The following NFIB variants were observed in gnomAD, a reference collection of about 807,000 sequenced individuals.
The protein encoded by NFIB is nuclear factor 1 B-type.
NFIB carries 11 observed loss-of-function variants against 61.5 expected under a neutral mutation model. The ratio of observed to expected loss-of-function variants is 0.18; its 90% CI spans 0.11 to 0.30. The LOEUF is 0.30. Among genes scored for constraint, NFIB ranks in the 10% least tolerant of loss-of-function variants. NFIB has a pLI of 1.00. For synonymous variants in NFIB, 260 were observed against 216.5 expected, an observed-to-expected ratio of 1.20 and a Z score of -1.76; for missense variants, 471 against 608.9, an observed-to-expected ratio of 0.77 and a Z score of 2.38.
In NFIB at chr9:14,084,823, T is replaced by G. The variant is rs995965124; in HGVS notation, c.*3486A>C. 1.3e-5 allele frequency: 3 copies of G among 228,028 alleles called. No individual in the cohort carries two copies. The highest frequency in any genetic ancestry group is 2.6e-5 in the Non-Finnish European group (3 of 115,000). 14.1% of individuals were successfully genotyped at this position (228,028 alleles called of 1,614,324 possible). The stretch of plus-strand genomic sequence containing the variant: ...TGAGATTTTATATATATAGTAGTAC[T>G]TTTAATAGTTTTATCTCAAAAAGGA... On this transcript the variant is annotated 3_prime_UTR_variant, in exon 11 of 11. Transcript: ENST00000380953.
chr9:14,449,598 T>C, the NFIB span, among the ~76,000 whole-genome samples: 2 of 152,286 alleles, frequency 1.3e-5, no homozygotes, highest in Non-Finnish European at 2.9e-5. Flanking sequence ...ATAATCCCTG[T>C]TCATGCTGGG....
rs189227348 is a variant in NFIB at position 14,287,160 on chromosome 9, G to A, written c.562+19829C>T. 1.5e-3 allele frequency among the ~76,000 whole-genome samples: 235 copies of A among 152,130 alleles called. 1 individual carries two copies. The highest frequency in any genetic ancestry group is 4.8e-3 in the African/African-American group (201 of 41,540). ...AAAAGAGCTATTATAGGCCGGGCGC[G>A]GTGGCTCACACCTGTAATCCCAGCA... On this transcript the variant is annotated intron_variant, in intron 2 of 10. Coordinates refer to ENST00000380953, the MANE Select transcript of NFIB (RefSeq NM_001190737.2).
At chr9:14,316,319 C>G (rs2060539134), upstream of NFIB, among the ~76,000 whole-genome samples, 1 of 152,240 alleles carries the variant, frequency 6.6e-6, no homozygotes, top group Admixed American at 6.5e-5. Context: ...CCCCGTAAAC[C>G]CAGAGCCCAA....
At chr9:14,350,015 G>C (rs2061086738) in intron 1 of NFIB, among the ~76,000 whole-genome samples, 1 of 152,090 alleles carries the variant, frequency 6.6e-6, no homozygotes, top group Admixed American at 6.5e-5. Context: ...GGAAAAACTC[G>C]TGCAAACTTG....
chr9:14,414,503 C>G, the NFIB span, among the ~76,000 whole-genome samples: 1 of 140,728 alleles, frequency 7.1e-6, no homozygotes, highest in Non-Finnish European at 1.5e-5. Flanking sequence ...GCCTTTCTCA[C>G]GTTTTGTATT....
Position 14,093,905 on chromosome 9 carries a change from T to C in NFIB, c.1468-5579A>G, listed in dbSNP as rs78257407. Among the ~76,000 whole-genome samples the C allele has an allele frequency of 4.9e-4, 75 of 152,142 alleles. 2 individuals carry two copies. In the East Asian group the frequency reaches 0.01, roughly 20 times the overall value. Reference sequence around the variant, plus strand: ...TATTTATGTATTAGAACAAAGAAAATAGTACTTGATAAATATACCAGTTGC... The same window carrying C: ...TATTTATGTATTAGAACAAAGAAAACAGTACTTGATAAATATACCAGTTGC... On this transcript the variant is annotated intron_variant, in intron 10 of 10. Transcript: ENST00000380953.
the NFIB span, among the ~76,000 whole-genome samples, chr9:14,417,916 G>A: frequency 6.6e-6 from 1 of 151,852 alleles, no homozygotes; most frequent in South Asian, 2.1e-4. Flanking sequence ...GGGTAGCTGG[G>A]ATTACAGGTG....
At chr9:14,408,479 G>C in the NFIB span, among the ~76,000 whole-genome samples, 6 of 152,150 alleles carry the variant, frequency 3.9e-5, no homozygotes, top group East Asian at 3.9e-4. Context: ...CCAAGTTTCA[G>C]AGACCACAAT....
chr9:14,511,365 TA>T, the NFIB span, among the ~76,000 whole-genome samples: 1,458 of 152,208 alleles, frequency 9.6e-3, 28 homozygotes, highest in African/African-American at 0.034. Flanking sequence ...CATTATTATG[TA>T]AATTTTTCAT....
chr9:14,218,073 G>A (rs1182328367), intron 2 of NFIB, among the ~76,000 whole-genome samples: 2 of 151,990 alleles, frequency 1.3e-5, no homozygotes, highest in African/African-American at 2.4e-5. Flanking sequence ...AGATTTCATC[G>A]AACTTTTAAG....
intron 3 of NFIB, among the ~76,000 whole-genome samples, chr9:14,163,635 C>A (rs919574971): frequency 6.6e-6 from 1 of 151,910 alleles, no homozygotes; most frequent in African/African-American, 2.4e-5. Context: ...TATTAAAATA[C>A]AAGAAACTTT....
At chr9:14,244,374 A>C (rs1044368903) in intron 2 of NFIB, among the ~76,000 whole-genome samples, 40 of 152,248 alleles carry the variant, frequency 2.6e-4, no homozygotes, top group African/African-American at 9.6e-4. Context: ...GCAGTCAGAT[A>C]TATTGGAGTC....
chr9:14,131,313 A>G (rs1190661367), intron 6 of NFIB, among the ~76,000 whole-genome samples: 6 of 152,222 alleles, frequency 3.9e-5, no homozygotes, highest in African/African-American at 1.4e-4. Flanking sequence ...TTAAATAAGT[A>G]TTTTGCAAAA....
At chr9:14,263,172 T>C (rs560944076) in intron 2 of NFIB, among the ~76,000 whole-genome samples, 1 of 152,314 alleles carries the variant, frequency 6.6e-6, no homozygotes, top group African/African-American at 2.4e-5. Context: ...CATGATTTTG[T>C]TATTTGTACA....
At chr9:14,496,974 T>C in the NFIB span, among the ~76,000 whole-genome samples, 2 of 152,250 alleles carry the variant, frequency 1.3e-5, no homozygotes, top group South Asian at 4.1e-4. Flanking sequence ...GCTTAGTTCA[T>C]TGTAGTCTTT....
chr9:14,185,974 G>A (rs563051504), intron 2 of NFIB, among the ~76,000 whole-genome samples: 1 of 152,164 alleles, frequency 6.6e-6, no homozygotes, highest in South Asian at 2.1e-4. Context: ...ACTGAGGCAA[G>A]AAAGTTTTAA....
intron 7 of NFIB, among the ~76,000 whole-genome samples, chr9:14,122,479 G>C (rs1005310354): frequency 2.0e-5 from 3 of 152,110 alleles, no homozygotes; most frequent in Non-Finnish European, 4.4e-5. Context: ...TGAAGTTTGA[G>C]CATCCTCCAT....
chr9:14,328,823 G>A (rs946988929), intron 1 of NFIB, among the ~76,000 whole-genome samples: 5 of 152,146 alleles, frequency 3.3e-5, no homozygotes, highest in Non-Finnish European at 7.4e-5. Context: ...GTAGATAAGA[G>A]ATTAAGAAAC....
At chr9:14,125,900 A>C (rs1479249094) in intron 6 of NFIB, 134 bp from the exon 7 acceptor site, 14 of 1,176,232 alleles carry the variant, frequency 1.2e-5, no homozygotes, top group Non-Finnish European at 1.3e-5. Context: ...ATATATTCTG[A>C]GTGTCAACGA....
Sources: allele counts gnomAD v4.1 joint callset (sites outside exome capture counted in the v4.1 genomes callset), GRCh38; gene constraint gnomAD v4.1.1; transcripts MANE v1.5; gene names NCBI Gene and HGNC (gene_info 2026-07-23, HGNC 2026-07-21).